NR3C1: variants seen among roughly 807,000 people sequenced by gnomAD.
NR3C1 encodes the protein nuclear receptor subfamily 3 group C member 1, also known as glucocorticoid receptor.
Under a neutral mutation model 74.0 loss-of-function variants are expected in NR3C1, and 14 were observed. The ratio of observed to expected loss-of-function variants is 0.19; its 90% CI spans 0.12 to 0.30. The LOEUF is 0.30. Among genes scored for constraint, NR3C1 ranks in the 10% least tolerant of loss-of-function variants. The pLI, the probability that NR3C1 is intolerant of heterozygous loss-of-function variation, is 1.00. For missense variants in NR3C1, 695 were observed against 909.8 expected (o/e 0.76, Z 3.04); for synonymous variants, 308 against 332.5 (o/e 0.93, Z 0.80).
intron 2 of NR3C1, among the ~76,000 whole-genome samples, chr5:143,328,047 A>C (rs967914015): frequency 1.3e-5 from 2 of 152,208 alleles, no homozygotes; most frequent in African/African-American, 4.8e-5. Flanking sequence ...CTCTGCCTCC[A>C]TGGCAGACTT....
At chr5:143,396,246 T>G (rs980387121) in intron 2 of NR3C1, among the ~76,000 whole-genome samples, 1 of 151,840 alleles carries the variant, frequency 6.6e-6, no homozygotes, top group African/African-American at 2.4e-5. Flanking sequence ...TTACTAATCA[T>G]GTAGCCATAA....
chr5:143,317,487 C>T (rs1227369501), intron 2 of NR3C1, among the ~76,000 whole-genome samples: 1 of 152,092 alleles, frequency 6.6e-6, no homozygotes, highest in Non-Finnish European at 1.5e-5. Context: ...AGGGTGCTTG[C>T]TTTTAAGTGA....
chr5:143,434,480 T>C (rs1752022846), intron 1 of NR3C1: 2 of 941,502 alleles, frequency 2.1e-6, no homozygotes, highest in Non-Finnish European at 2.5e-6. Flanking sequence ...CAAGTAACTT[T>C]GTTAGAACTC....
chr5:143,371,725 CAG>C (rs1377931713), intron 2 of NR3C1, among the ~76,000 whole-genome samples: 1 of 152,308 alleles, frequency 6.6e-6, no homozygotes, highest in African/African-American at 2.4e-5. Context: ...ACCTTTCTTT[CAG>C]AGTTATTGTT....
chr5:143,346,568 TA>T (rs1829324964), intron 2 of NR3C1, among the ~76,000 whole-genome samples: 1 of 152,238 alleles, frequency 6.6e-6, no homozygotes, highest in Non-Finnish European at 1.5e-5. Flanking sequence ...GTAAAATTTA[TA>T]AATCTAACAA....
At chr5:143,419,776 T>C (rs1751122062) in intron 1 of NR3C1, among the ~76,000 whole-genome samples, 1 of 152,158 alleles carries the variant, frequency 6.6e-6, no homozygotes, top group Non-Finnish European at 1.5e-5. Context: ...TGGGCACCAT[T>C]GTCTTTGATA....
intron 2 of NR3C1, among the ~76,000 whole-genome samples, chr5:143,326,153 G>A (rs1824559371): frequency 6.6e-6 from 1 of 152,202 alleles, no homozygotes; most frequent in East Asian, 1.9e-4. Context: ...GCAACACCTG[G>A]ATCTGAATTC....
chr5:143,279,205 C>T lies in NR3C1; in HGVS notation c.*2684G>A, dbSNP rs61753508. 8.0e-5 allele frequency: 61 copies of T among 762,304 alleles called. No individual in the cohort carries two copies. The highest frequency in any genetic ancestry group is 5.7e-4 in the African/African-American group (31 of 53,984). 47.2% of individuals were successfully genotyped at this position (762,304 alleles called of 1,614,324 possible). A position where few individuals can be genotyped will look rare whatever the true frequency, so the allele number is the denominator to read the frequency against. On this transcript the variant is annotated 3_prime_UTR_variant, in exon 9 of 9. Coordinates refer to ENST00000394464, the MANE Select transcript of NR3C1 (RefSeq NM_000176.3). ...ATTAAGATGACTTTCTTTTCCCCCA[C>T]GTATCCTAAAAGGGCACAGCTTCTT...
Position 143,403,363 on chromosome 5 carries a change from T to C in NR3C1, c.-166A>G, listed in dbSNP as rs368002583. ...AAACAGCCGCCCCTTTCTCCATGGG[T>C]GGGGGGAGAGCCCCTATTTAAGAAA... On this transcript the variant is annotated 5_prime_UTR_variant, in exon 1 of 9. Transcript: ENST00000394464. 4.0e-5 allele frequency: 39 copies of C among 985,348 alleles called. No individual in the cohort carries two copies. The African/African-American group carries it at 6.3e-4, about 16-fold the overall frequency. The allele number at this position is 985,348 out of a possible 1,614,324, so 61.0% of individuals were successfully genotyped here.
chr5:143,288,275 C>A (rs574519616), intron 7 of NR3C1, among the ~76,000 whole-genome samples: 1 of 151,504 alleles, frequency 6.6e-6, no homozygotes, highest in Admixed American at 6.6e-5. Context: ...TGTGCCACCA[C>A]GCCTGGCTAA....
chr5:143,291,504 G>A (rs535067574), intron 7 of NR3C1, among the ~76,000 whole-genome samples: 2 of 152,344 alleles, frequency 1.3e-5, no homozygotes, highest in African/African-American at 4.8e-5. Flanking sequence ...GATTACCGGT[G>A]TGAGCCACCA....
At chr5:143,432,814 G>A (rs1345061372) in intron 1 of NR3C1, among the ~76,000 whole-genome samples, 8 of 152,058 alleles carry the variant, frequency 5.3e-5, no homozygotes, top group African/African-American at 1.9e-4. Flanking sequence ...CCCATAGAAA[G>A]TTTATCTTTA....
chr5:143,354,159 A>G (rs1830697895), intron 2 of NR3C1, among the ~76,000 whole-genome samples: 1 of 152,246 alleles, frequency 6.6e-6, no homozygotes, highest in Non-Finnish European at 1.5e-5. Flanking sequence ...GAAGAGAGTT[A>G]AGCTTTGGCT....
intron 7 of NR3C1, among the ~76,000 whole-genome samples, 191 bp from the exon 8 acceptor site, chr5:143,282,916 A>T (rs1311174319): frequency 6.7e-6 from 1 of 149,622 alleles, no homozygotes; most frequent in Non-Finnish European, 1.5e-5. Context: ...AGTAGCTAGG[A>T]CTGTAGGCAC....
chr5:143,401,259 T>C (rs1840227670), intron 1 of NR3C1: 1 of 235,066 alleles, frequency 4.3e-6, no homozygotes, highest in Non-Finnish European at 8.5e-6. Flanking sequence ...AATTCCTACC[T>C]CTTTTCAATC....
intron 2 of NR3C1, among the ~76,000 whole-genome samples, chr5:143,369,938 G>A (rs1436512349): frequency 6.6e-6 from 1 of 152,192 alleles, no homozygotes; most frequent in Non-Finnish European, 1.5e-5. Context: ...TCAGTCTCAA[G>A]TTTAAAGTGC....
chr5:143,321,703 G>T (rs777368396), intron 2 of NR3C1, among the ~76,000 whole-genome samples: 1 of 152,144 alleles, frequency 6.6e-6, no homozygotes, highest in Non-Finnish European at 1.5e-5. Flanking sequence ...TCACTACAGG[G>T]ATCCTGGATT....
At chr5:143,434,976 G>C in exon 1 of NR3C1, 1 of 984,398 alleles carries the variant, frequency 1.0e-6, no homozygotes, top group Non-Finnish European at 1.2e-6. Flanking sequence ...TTTTTGGAGA[G>C]AAATACAGTG....
At chr5:143,308,249 C>G (rs2151592939) in intron 4 of NR3C1, among the ~76,000 whole-genome samples, 1 of 152,134 alleles carries the variant, frequency 6.6e-6, no homozygotes. Context: ...TCACTTAAGG[C>G]CAGGAGTTAG....
Sources: allele counts gnomAD v4.1 joint callset (sites outside exome capture counted in the v4.1 genomes callset), GRCh38; gene constraint gnomAD v4.1.1; transcripts MANE v1.5; gene names NCBI Gene and HGNC (gene_info 2026-07-23, HGNC 2026-07-21).